The following NPTXR variants were observed in gnomAD, a reference collection of about 807,000 sequenced individuals.
NPTXR encodes the protein neuronal pentraxin receptor.
NPTXR carries 12 observed loss-of-function variants against 32.2 expected under a neutral mutation model. The ratio of observed to expected loss-of-function variants is 0.37; its 90% CI spans 0.24 to 0.60. NPTXR has a LOEUF of 0.60. NPTXR is among the 20% of genes least tolerant of loss of function. The pLI is 0.66. For missense variants in NPTXR, 612 were observed against 682.9 expected, an observed-to-expected ratio of 0.90 and a Z score of 1.16; for synonymous variants, 323 against 315.8, an observed-to-expected ratio of 1.02 and a Z score of -0.24.
chr22:38,821,356 T>G lies in NPTXR; in HGVS notation c.*1253A>C, dbSNP rs2093096701. On this transcript the variant is annotated 3_prime_UTR_variant, in exon 5 of 5. Coordinates refer to ENST00000333039, the MANE Select transcript of NPTXR (RefSeq NM_014293.4). ...TTACAATCCATGCATGAGGTTAGTC[T>G]GCCTTGAACCTTGCCCTGGACTCTG... 1 of 152,354 alleles carries G rather than the reference T, an allele frequency of 6.6e-6. No individual in the cohort carries two copies. The allele number at this position is 152,354 out of a possible 1,614,324, so 9.4% of individuals were successfully genotyped here. A position where few individuals can be genotyped will look rare whatever the true frequency, so the allele number is the denominator to read the frequency against.
At chr22:38,830,394 T>A (rs1791512005) in intron 1 of NPTXR, among the ~76,000 whole-genome samples, 1 of 152,200 alleles carries the variant, frequency 6.6e-6, no homozygotes, top group African/African-American at 2.4e-5. Context: ...TGGGACGCTC[T>A]TGCTGCCGGC....
At chr22:38,824,378 C>T (rs888741714) in intron 3 of NPTXR, among the ~76,000 whole-genome samples, 2 of 152,050 alleles carry the variant, frequency 1.3e-5, no homozygotes, top group South Asian at 2.1e-4. Context: ...AGCTGGTCCA[C>T]GCCTTAAATG....
At chr22:38,837,412 G>A (rs925716555) in intron 1 of NPTXR, among the ~76,000 whole-genome samples, 7 of 152,216 alleles carry the variant, frequency 4.6e-5, no homozygotes, top group South Asian at 4.1e-4. Context: ...CCTCCTCACT[G>A]CCAAACAGGC....
Position 38,843,761 on chromosome 22 carries a change from G to T in NPTXR, c.98C>A (p.Ala33Glu), listed in dbSNP as rs1228554608. Residue 33 changes from alanine to glutamate, a missense_variant, in exon 1 of 5, where the codon GCG becomes GAG. Physicochemically the swap from Ala to Glu is moderately radical, Grantham distance 107 (BLOSUM62 -1). Transcript: ENST00000333039. The surrounding 1 kb of genome is among the most constrained non-coding windows in gnomAD (Gnocchi z 5.3). ...GTCGGCGCCGCCGGGCAGCGCCCGC[G>T]CCGGGCTGGCCGCCAGGGGCACGCT... 12 of 1,001,286 alleles carry T rather than the reference G, an allele frequency of 1.2e-5. No homozygotes were observed. In the South Asian group the frequency reaches 3.6e-4, roughly 30 times the overall value. 62.0% of individuals were successfully genotyped at this position (1,001,286 alleles called of 1,614,324 possible). A position where few individuals can be genotyped will look rare whatever the true frequency, so the allele number is the denominator to read the frequency against.
At chr22:38,842,723 A>G (rs1438089501) in intron 1 of NPTXR, among the ~76,000 whole-genome samples, 5 of 152,116 alleles carry the variant, frequency 3.3e-5, no homozygotes. Flanking sequence ...AGGGGCACCC[A>G]GGTTTGTCTT....
chr22:38,838,797 G>A (rs1180568419), intron 1 of NPTXR, among the ~76,000 whole-genome samples: 1 of 151,918 alleles, frequency 6.6e-6, no homozygotes, highest in Non-Finnish European at 1.5e-5. Flanking sequence ...TAGCCAGGAT[G>A]GTCTCGATCT....
rs916982908 is a variant in NPTXR at position 38,819,521 on chromosome 22, C to G, written c.*3088G>C. On this transcript the variant is annotated 3_prime_UTR_variant, in exon 5 of 5. Coordinates refer to ENST00000333039, the MANE Select transcript of NPTXR (RefSeq NM_014293.4). ...ACACAGGTGAGTGGGAACTCAGCCCCTGGACGTAACCCCCTTTGGTTTGAA... is the reference window on the plus strand; with the variant it reads ...ACACAGGTGAGTGGGAACTCAGCCCGTGGACGTAACCCCCTTTGGTTTGAA... 6.6e-6 allele frequency: 1 copy of G among 152,328 alleles called. No homozygotes were observed. The highest frequency in any genetic ancestry group is 6.5e-5 in the Admixed American group (1 of 15,294). 9.4% of individuals were successfully genotyped at this position (152,328 alleles called of 1,614,324 possible).
rs2093091997 is a variant in NPTXR, at chr22:38,818,868, G to A, written c.*3741C>T. The stretch of plus-strand genomic sequence containing the variant: ...GCCAAGGGTGCTGGGACACACAAAG[G>A]AGGGGGGACTCAGTGCTGGGGAGAG... On this transcript the variant is annotated 3_prime_UTR_variant, in exon 5 of 5. Transcript: ENST00000333039. The surrounding 1 kb of genome is among the most constrained non-coding windows in gnomAD (Gnocchi z 4.5). 1.3e-5 allele frequency: 2 copies of A among 152,600 alleles called. No individual in the cohort carries two copies. The highest frequency in any genetic ancestry group is 2.4e-5 in the African/African-American group (1 of 41,466). 9.5% of individuals were successfully genotyped at this position (152,600 alleles called of 1,614,324 possible).
rs1360093319 is a variant in NPTXR, at chr22:38,843,174, C to T, written c.624+61G>A. ...CGGAGGCTCGGGGACCGCCGGACGA[C>T]CGCGGCCGGGCGGCCCCTCACACCA... On this transcript the variant is annotated intron_variant, in intron 1 of 4. Coordinates refer to ENST00000333039, the MANE Select transcript of NPTXR (RefSeq NM_014293.4). The surrounding 1 kb of genome is among the most constrained non-coding windows in gnomAD (Gnocchi z 5.3). 16 of 1,256,592 alleles carry T rather than the reference C, an allele frequency of 1.3e-5. No individual in the cohort carries two copies. Among genetic ancestry groups the T allele is most frequent in the Non-Finnish European group, 1.6e-5 (16 of 1,000,718 alleles). 77.8% of individuals were successfully genotyped at this position (1,256,592 alleles called of 1,614,324 possible).
At position 38,822,518 on chromosome 22, in the gene NPTXR, G is replaced by A. The variant is rs1001922298; in HGVS notation, c.*91C>T. On this transcript the variant is annotated 3_prime_UTR_variant, in exon 5 of 5. Transcript: ENST00000333039. ...AGCCAGGAGTGGGGCAGGAGGGAAG[G>A]CCAGTGCGTGGGCAGGCTGAGGAGG... 4 of 1,113,104 alleles carry A rather than the reference G, an allele frequency of 3.6e-6. No homozygotes were observed. The Admixed American group carries it at 6.2e-5, about 17-fold the overall frequency. The allele number at this position is 1,113,104 out of a possible 1,614,324, so 69.0% of individuals were successfully genotyped here. A position where few individuals can be genotyped will look rare whatever the true frequency, so the allele number is the denominator to read the frequency against.
intron 1 of NPTXR, among the ~76,000 whole-genome samples, chr22:38,841,096 T>C (rs1006336068): frequency 3.9e-5 from 6 of 152,164 alleles, no homozygotes; most frequent in East Asian, 1.9e-4. Flanking sequence ...AGGGGAGAGA[T>C]TGGACAGTGG....
At chr22:38,839,950 G>A (rs1163531671) in intron 1 of NPTXR, among the ~76,000 whole-genome samples, 1 of 152,234 alleles carries the variant, frequency 6.6e-6, no homozygotes, top group Non-Finnish European at 1.5e-5. Context: ...GATAAGGACT[G>A]AAAGAGGGTT....
At chr22:38,822,901 G>A in intron 4 of NPTXR, 68 bp from the exon 5 acceptor site, 1 of 1,476,752 alleles carries the variant, frequency 6.8e-7, no homozygotes, top group South Asian at 1.2e-5. Context: ...AGGCAGGCTG[G>A]CTCAGTCAGG....
At position 38,843,617 on chromosome 22, in the gene NPTXR, C is replaced by G; in HGVS notation, c.242G>C (p.Ser81Thr). 2 of 1,157,946 alleles carry G rather than the reference C, an allele frequency of 1.7e-6. No individual in the cohort carries two copies. The highest frequency in any genetic ancestry group is 2.1e-6 in the Non-Finnish European group (2 of 941,962). 71.7% of individuals were successfully genotyped at this position (1,157,946 alleles called of 1,614,324 possible). A position where few individuals can be genotyped will look rare whatever the true frequency, so the allele number is the denominator to read the frequency against. The change falls in exon 1 of 5, where the codon AGC (serine) becomes ACC (threonine). Residue 81 changes from serine to threonine, a missense_variant. Transcript: ENST00000333039. The surrounding 1 kb of genome is among the most constrained non-coding windows in gnomAD (Gnocchi z 5.3). Reference sequence around the variant, plus strand: ...GGGCCCGGGCGGCAGCGGGTGCGCGCTGGCCGCGGGTGCCCCGGGCAGCGC... The same window carrying G: ...GGGCCCGGGCGGCAGCGGGTGCGCGGTGGCCGCGGGTGCCCCGGGCAGCGC...
chr22:38,839,661 A>G (rs984400680), intron 1 of NPTXR, among the ~76,000 whole-genome samples: 1 of 152,170 alleles, frequency 6.6e-6, no homozygotes, highest in Admixed American at 6.5e-5. Context: ...AAAAAAAAAA[A>G]AAGTCAATAT....
At chr22:38,825,912 A>G (rs2093105807) in intron 3 of NPTXR, among the ~76,000 whole-genome samples, 1 of 142,698 alleles carries the variant, frequency 7.0e-6, no homozygotes, top group Non-Finnish European at 1.5e-5. Context: ...GTGCGATCTT[A>G]GCTCACTGCA....
intron 1 of NPTXR, among the ~76,000 whole-genome samples, chr22:38,841,214 G>A (rs1051527906): frequency 6.6e-6 from 1 of 152,254 alleles, no homozygotes; most frequent in Non-Finnish European, 1.5e-5. Context: ...ACTAGCTGTG[G>A]CTGTTGCCAC....
intron 1 of NPTXR, among the ~76,000 whole-genome samples, chr22:38,839,761 G>T (rs1228790656): frequency 6.6e-6 from 1 of 152,102 alleles, no homozygotes; most frequent in African/African-American, 2.4e-5. Flanking sequence ...ACAGCTCTCT[G>T]TATGAAATGG....
chr22:38,823,713 G>A (rs2093101913), intron 3 of NPTXR, among the ~76,000 whole-genome samples: 1 of 152,192 alleles, frequency 6.6e-6, no homozygotes, highest in African/African-American at 2.4e-5. Context: ...TGGGGAGGCT[G>A]CTCCTTCCTC....
Sources: allele counts gnomAD v4.1 joint callset (sites outside exome capture counted in the v4.1 genomes callset), GRCh38; gene constraint gnomAD v4.1.1; non-coding constraint Gnocchi (gnomAD v3.1); transcripts MANE v1.5; gene names NCBI Gene and HGNC (gene_info 2026-07-23, HGNC 2026-07-21).